Variants in ANKRD36 observed in about 807,000 individuals in gnomAD.
The protein encoded by ANKRD36 is ankyrin repeat domain 36.
ANKRD36 carries 179 observed loss-of-function variants against 278.1 expected under a neutral mutation model. The observed-to-expected ratio is 0.64, with a 90% CI of 0.57 to 0.73. The LOEUF (loss-of-function observed/expected upper bound fraction) is 0.73, where lower values mean the gene tolerates loss of function less well. Among genes scored for constraint, ANKRD36 ranks in the 30% least tolerant of loss-of-function variants. The pLI, the probability that ANKRD36 is intolerant of heterozygous loss-of-function variation, is 0.00. For missense variants in ANKRD36, 1,159 were observed against 1,956.7 expected (o/e 0.59, Z 7.69); for synonymous variants, 320 against 641.1 (o/e 0.50, Z 7.57).
At chr2:97,115,654 T>TC (rs70938509) in intron 1 of ANKRD36, among the ~76,000 whole-genome samples, 147,510 of 147,510 alleles carry the variant, frequency 1, 73,755 homozygotes, top group Non-Finnish European at 1. Context: ...CTATTTTCTA[T>TC]CACAAGTTTG....
At chr2:97,116,185 A>C (rs1390697187) in intron 1 of ANKRD36, among the ~76,000 whole-genome samples, 1 of 152,140 alleles carries the variant, frequency 6.6e-6, no homozygotes, top group Non-Finnish European at 1.5e-5. Flanking sequence ...GTTTTTTATT[A>C]ATGAAATTAT....
chr2:97,115,123 G>A (rs1390734485), intron 1 of ANKRD36, among the ~76,000 whole-genome samples: 5 of 152,104 alleles, frequency 3.3e-5, no homozygotes, highest in Admixed American at 1.3e-4. Context: ...AATGGCGAAA[G>A]CCGCAATTGC....
rs1219139286 is a variant in ANKRD36 at position 97,135,172 on chromosome 2, T to G, written c.800-7468T>G. Among the ~76,000 whole-genome samples, 6 of 152,038 alleles carry G rather than the reference T, an allele frequency of 3.9e-5. No homozygotes were observed. In the East Asian group the frequency reaches 1.2e-3, roughly 29 times the overall value. On this transcript the variant is annotated intron_variant, in intron 6 of 75. Coordinates refer to ENST00000420699, the MANE Select transcript of ANKRD36 (RefSeq NM_001354587.1). The stretch of plus-strand genomic sequence containing the variant: ...TCTAGATTTTTTGAATTAGAGTGCT[T>G]TATCCTAAATAGTTTAAACTGAAGA...
chr2:97,211,669 G>A lies in ANKRD36; in HGVS notation c.3397G>A (p.Ala1133Thr), dbSNP rs1458618561. The change falls in exon 58 of 76, where the codon GCT becomes ACT. Residue 1133 changes from alanine to threonine, a missense_variant and splice_region_variant. Ala to Thr is a moderately conservative substitution (Grantham distance 58, BLOSUM62 0). Transcript: ENST00000420699. ...VSSPKQPALK[A>T]ICDKEDSVPN... ...CTGTTTTGTTTCAAATTCTATTCAG[G>A]CTATCTGTGACAAGGAAGATTCTGT... 2 of 1,593,298 alleles carry A rather than the reference G, an allele frequency of 1.3e-6. No homozygotes were observed. The highest frequency in any genetic ancestry group is 1.7e-6 in the Non-Finnish European group (2 of 1,171,168).
At chr2:97,165,468 AT>A (rs1157932215) in intron 20 of ANKRD36, among the ~76,000 whole-genome samples, 3 of 152,188 alleles carry the variant, frequency 2.0e-5, no homozygotes, top group Non-Finnish European at 2.9e-5. Flanking sequence ...CTATAAAGAA[AT>A]TAAATAGAAG....
intron 3 of ANKRD36, 47 bp downstream of exon 3, chr2:97,118,564 T>G: frequency 1.4e-6 from 2 of 1,407,142 alleles, no homozygotes; most frequent in East Asian, 2.4e-5. Flanking sequence ...AATGCATTTA[T>G]TTTAACATTG....
chr2:97,198,331 A>T lies in ANKRD36; in HGVS notation c.2654-132A>T, dbSNP rs552141458. The T allele has an allele frequency of 8.8e-4, 1,339 of 1,519,040 alleles. No individual in the cohort carries two copies. In the African/African-American group the frequency reaches 0.017, roughly 19 times the overall value. 94.1% of individuals were successfully genotyped at this position (1,519,040 alleles called of 1,614,324 possible). On this transcript the variant is annotated intron_variant, in intron 42 of 75. Coordinates refer to ENST00000420699, the MANE Select transcript of ANKRD36 (RefSeq NM_001354587.1). ...TTCTGTCACGTTCTAGTCCCCAGAC[A>T]CAAAGTAGAAGCCATCAAAGCGTAC...
chr2:97,140,991 T>C (rs1182863655), intron 6 of ANKRD36, among the ~76,000 whole-genome samples: 1 of 151,858 alleles, frequency 6.6e-6, no homozygotes, highest in East Asian at 1.9e-4. Flanking sequence ...CTAGAAGTTT[T>C]GCACATCAAT....
chr2:97,230,173 G>C (rs1210095176), intron 67 of ANKRD36, among the ~76,000 whole-genome samples: 1 of 152,096 alleles, frequency 6.6e-6, no homozygotes, highest in African/African-American at 2.4e-5. Flanking sequence ...TCTTGAATCT[G>C]AATGTTGGCC....
intron 71 of ANKRD36, 64 bp downstream of exon 71, chr2:97,246,135 GT>G: frequency 1.5e-5 from 1 of 65,206 alleles, no homozygotes; most frequent in Admixed American, 2.4e-4. Context: ...GTAATATTTG[GT>G]TACAGCTGAA....
rs1319387213 is a variant in ANKRD36 at position 97,258,967 on chromosome 2, C to A, written c.*7-5362C>A. 2.3e-4 allele frequency among the ~76,000 whole-genome samples: 34 copies of A among 144,876 alleles called. 3 individuals carry two copies. Among genetic ancestry groups the A allele is most frequent in the Admixed American group, 1.6e-3 (21 of 13,310 alleles). ...TTAAATATGCTTGCTAGGCCTTTTT[C>A]TTTTTCTTCTCCTTCAGAAACTGTT... On this transcript the variant is annotated intron_variant, in intron 75 of 75. Coordinates refer to ENST00000420699, the MANE Select transcript of ANKRD36 (RefSeq NM_001354587.1).
rs2075041874 is a variant in ANKRD36, at chr2:97,244,031, T to C, written c.4491+2T>C. The stretch of plus-strand genomic sequence containing the variant: ...ACAGGAGGAAATAATTCAAATCAGG[T>C]AAATTAATGTTTGGTAAAACTTCAT... On this transcript the variant is annotated splice_donor_variant, in intron 70 of 75. Transcript: ENST00000420699. LOFTEE classifies it high-confidence loss of function. 1.3e-6 allele frequency: 2 copies of C among 1,551,636 alleles called. No individual in the cohort carries two copies. Among genetic ancestry groups the C allele is most frequent in the East Asian group, 4.7e-5 (2 of 42,170 alleles).
intron 15 of ANKRD36, among the ~76,000 whole-genome samples, chr2:97,156,901 A>ATT (rs1480641894): frequency 6.6e-6 from 1 of 151,680 alleles, no homozygotes; most frequent in Non-Finnish European, 1.5e-5. Context: ...TGACTTTTTA[A>ATT]TGATCACCAT....
chr2:97,140,755 G>A (rs2042702690), intron 6 of ANKRD36, among the ~76,000 whole-genome samples: 1 of 152,150 alleles, frequency 6.6e-6, no homozygotes, highest in East Asian at 1.9e-4. Context: ...ACATACAGTA[G>A]TGGTGAGAAT....
intron 6 of ANKRD36, among the ~76,000 whole-genome samples, chr2:97,133,699 G>A (rs1263816055): frequency 6.6e-6 from 1 of 151,862 alleles, no homozygotes; most frequent in Non-Finnish European, 1.5e-5. Flanking sequence ...CATAATATAT[G>A]TTAATATAGC....
intron 50 of ANKRD36, among the ~76,000 whole-genome samples, chr2:97,204,669 G>A (rs1343468299): frequency 4.0e-4 from 60 of 151,580 alleles, no homozygotes; most frequent in African/African-American, 1.4e-3. Flanking sequence ...AGACACTGTA[G>A]GAGAACTAAG....
At chr2:97,130,345 G>C (rs2039783283) in intron 6 of ANKRD36, among the ~76,000 whole-genome samples, 1 of 148,576 alleles carries the variant, frequency 6.7e-6, no homozygotes, top group Admixed American at 7.0e-5. Flanking sequence ...CTATGGCAAG[G>C]ACAAAAAACC....
chr2:97,158,035 ATG>A (rs2047910111), intron 15 of ANKRD36, 70 bp from the exon 16 acceptor site: 1 of 1,249,476 alleles, frequency 8.0e-7, no homozygotes. Context: ...GTGTTAGATC[ATG>A]TAGTAATGGT....
At chr2:97,219,991 G>A (rs1485469844) in intron 66 of ANKRD36, among the ~76,000 whole-genome samples, 2 of 142,828 alleles carry the variant, frequency 1.4e-5, no homozygotes, top group African/African-American at 5.6e-5. Context: ...ACTTTTATTG[G>A]TTCTGGTCAA....
Sources: gnomAD v4.1 joint callset for allele counts (sites outside exome capture counted in the v4.1 genomes callset) on GRCh38, gnomAD v4.1.1 for gene constraint, MANE v1.5 for transcripts, NCBI Gene and HGNC (gene_info 2026-07-23, HGNC 2026-07-21) for gene names.